AKAP19: variants seen among roughly 807,000 people sequenced by gnomAD.
AKAP19 encodes small A-kinase anchoring protein.
At chr2:190,064,067 A>AT in the AKAP19 span, among the ~76,000 whole-genome samples, 1 of 152,068 alleles carries the variant, frequency 6.6e-6, no homozygotes, top group Admixed American at 6.6e-5. Flanking sequence ...AGTCACTACC[A>AT]TTTTTGCACA....
At chr2:190,111,622 G>C in the AKAP19 span, among the ~76,000 whole-genome samples, 2 of 151,974 alleles carry the variant, frequency 1.3e-5, no homozygotes, top group Non-Finnish European at 2.9e-5. Context: ...ACTTATGCAG[G>C]CAATAATAAG....
At chr2:189,895,807 A>C in the AKAP19 span, among the ~76,000 whole-genome samples, 2 of 152,054 alleles carry the variant, frequency 1.3e-5, no homozygotes, top group Non-Finnish European at 2.9e-5. Flanking sequence ...GCTTAAGATG[A>C]ATCAGAATGA....
At chr2:189,948,487 A>G in the AKAP19 span, among the ~76,000 whole-genome samples, 1 of 152,156 alleles carries the variant, frequency 6.6e-6, no homozygotes, top group African/African-American at 2.4e-5. Flanking sequence ...AATTACCCAC[A>G]GTTTTGCTCC....
chr2:190,033,339 C>T, the AKAP19 span, among the ~76,000 whole-genome samples: 1 of 152,038 alleles, frequency 6.6e-6, no homozygotes, highest in Non-Finnish European at 1.5e-5. Flanking sequence ...TTTACAAATC[C>T]TTCCAGAATG....
the AKAP19 span, among the ~76,000 whole-genome samples, chr2:189,981,493 C>T: frequency 6.6e-6 from 1 of 152,024 alleles, no homozygotes; most frequent in African/African-American, 2.4e-5. Flanking sequence ...AACATTTAGG[C>T]TGTTAATGTT....
At chr2:190,084,587 C>T in the AKAP19 span, among the ~76,000 whole-genome samples, 1 of 152,138 alleles carries the variant, frequency 6.6e-6, no homozygotes, top group Non-Finnish European at 1.5e-5. Context: ...TTCCTTTAAT[C>T]AGATTACAGT....
the AKAP19 span, among the ~76,000 whole-genome samples, chr2:189,967,356 T>C: frequency 6.6e-6 from 1 of 152,202 alleles, no homozygotes; most frequent in African/African-American, 2.4e-5. Flanking sequence ...ACAGTTTCCC[T>C]GAACTTGTAC....
At chr2:190,074,578 GA>G in the AKAP19 span, among the ~76,000 whole-genome samples, 1 of 152,174 alleles carries the variant, frequency 6.6e-6, no homozygotes, top group South Asian at 2.1e-4. Context: ...TTAAACCCGG[GA>G]GTTGGAAGTT....
the AKAP19 span, among the ~76,000 whole-genome samples, chr2:189,995,955 C>G: frequency 3.3e-5 from 5 of 152,148 alleles, no homozygotes; most frequent in Non-Finnish European, 7.4e-5. Context: ...GGTTTCTGCT[C>G]AGAAATCTGC....
At chr2:190,076,956 G>A in the AKAP19 span, among the ~76,000 whole-genome samples, 5 of 151,988 alleles carry the variant, frequency 3.3e-5, no homozygotes, top group African/African-American at 1.2e-4. Flanking sequence ...TAATATTACT[G>A]TTCAGTCTCT....
chr2:190,154,342 C>G, the AKAP19 span, among the ~76,000 whole-genome samples: 10 of 152,142 alleles, frequency 6.6e-5, no homozygotes, highest in Non-Finnish European at 1.3e-4. Context: ...TAATCATTTG[C>G]TGTATTTTAG....
chr2:189,966,984 A>T, the AKAP19 span, among the ~76,000 whole-genome samples: 238 of 152,322 alleles, frequency 1.6e-3, 4 homozygotes, highest in Admixed American at 5.4e-3. Context: ...TCATTCATTA[A>T]ATTGCAATTT....
At chr2:190,117,080 G>A in the AKAP19 span, among the ~76,000 whole-genome samples, 1 of 152,210 alleles carries the variant, frequency 6.6e-6, no homozygotes, top group African/African-American at 2.4e-5. Context: ...TCTCTAAAAT[G>A]TAAGTGGCTA....
At chr2:190,004,511 TTA>T in the AKAP19 span, among the ~76,000 whole-genome samples, 1 of 152,190 alleles carries the variant, frequency 6.6e-6, no homozygotes, top group African/African-American at 2.4e-5. Context: ...TCTTTCAAAA[TTA>T]TGTTGTCCTT....
chr2:190,015,222 C>T, the AKAP19 span, among the ~76,000 whole-genome samples: 34 of 152,310 alleles, frequency 2.2e-4, no homozygotes, highest in Middle Eastern at 0.01. Flanking sequence ...AGTTTCCACC[C>T]CTGCAGCAAA....
At chr2:190,070,114 G>T in the AKAP19 span, among the ~76,000 whole-genome samples, 3 of 152,136 alleles carry the variant, frequency 2.0e-5, no homozygotes, top group Non-Finnish European at 1.5e-5. Flanking sequence ...GTGCCACAGT[G>T]GTGCCCTTTG....
At chr2:190,178,854 C>G in the AKAP19 span, among the ~76,000 whole-genome samples, 1 of 152,196 alleles carries the variant, frequency 6.6e-6, no homozygotes, top group African/African-American at 2.4e-5. This position sits in a 1 kb window ranked among gnomAD's most constrained non-coding sequence, Gnocchi z 6.3. Context: ...CTAAGTGTCT[C>G]CTCTGCCTAG....
At chr2:189,956,587 A>AT in the AKAP19 span, among the ~76,000 whole-genome samples, 6 of 147,910 alleles carry the variant, frequency 4.1e-5, no homozygotes, top group East Asian at 4.1e-4. Flanking sequence ...GAACATATTA[A>AT]TTTTTTTTTG....
chr2:189,910,301 A>G, the AKAP19 span, among the ~76,000 whole-genome samples: 1 of 152,080 alleles, frequency 6.6e-6, no homozygotes, highest in Non-Finnish European at 1.5e-5. Flanking sequence ...TTTGATAGGC[A>G]TTAAGGATAA....
Sources: gnomAD v4.1 joint callset for allele counts (sites outside exome capture counted in the v4.1 genomes callset) on GRCh38, gnomAD v4.1.1 for gene constraint, Gnocchi (gnomAD v3.1) non-coding constraint, MANE v1.5 for transcripts, NCBI Gene and HGNC (gene_info 2026-07-23, HGNC 2026-07-21) for gene names.